The following TTLL5 variants were observed in gnomAD, a reference collection of about 807,000 sequenced individuals.
TTLL5 encodes tubulin polyglutamylase TTLL5.
A neutral mutation model predicts 168.4 loss-of-function variants in TTLL5; 132 were observed. The observed-to-expected ratio is 0.78, with a 90% CI of 0.68 to 0.91. TTLL5 has a LOEUF of 0.91. Ranked by LOEUF, TTLL5 falls within the 40% of genes least tolerant of loss-of-function variation. TTLL5 has a pLI of 0.00. For missense variants in TTLL5, 1,545 were observed against 1,581.5 expected (o/e 0.98, Z 0.39); for synonymous variants, 546 against 558.6 (o/e 0.98, Z 0.32).
chr14:75,686,188 A>G (rs575069516), intron 5 of TTLL5, among the ~76,000 whole-genome samples: 1 of 152,222 alleles, frequency 6.6e-6, no homozygotes, highest in Admixed American at 6.5e-5. Flanking sequence ...AAGGAGTGGA[A>G]CAAATCATAG....
chr14:75,776,793 A>T lies in TTLL5; in HGVS notation c.2330A>T (p.Glu777Val). Reference protein sequence around the residue: ...AEKKSKKKVEEEEEDGVNMEN... With the variant: ...AEKKSKKKVEVEEEDGVNMEN... ...AAGAAATCAAAGAAGAAAGTTGAGG[A>T]AGAAGAGGAAGATGGGGTGAATATG... is the stretch of plus-strand genomic sequence containing the variant. Residue 777 changes from glutamate (E) to valine (V), a missense_variant, in exon 23 of 32, where the codon GAA (glutamate) becomes GTA (valine). Transcript: ENST00000298832. 1 of 1,614,038 alleles carries T rather than the reference A, an allele frequency of 6.2e-7. No individual in the cohort carries two copies. The highest frequency in any genetic ancestry group is 8.5e-7 in the Non-Finnish European group (1 of 1,179,922).
intron 29 of TTLL5, 49 bp downstream of exon 29, chr14:75,863,911 T>TAAAAGAAA: frequency 1.0e-5 from 1 of 98,534 alleles, no homozygotes. Flanking sequence ...CTGCTGTTGG[T>TAAAAGAAA]AAAAAAAAAA....
intron 9 of TTLL5, chr14:75,709,142 T>C (rs1472249135): frequency 4.0e-6 from 3 of 749,512 alleles, no homozygotes; most frequent in Non-Finnish European, 7.3e-6. Context: ...CACGACAAGC[T>C]AAAAAAGCCT....
At chr14:75,884,908 C>G (rs917760497) in intron 30 of TTLL5, among the ~76,000 whole-genome samples, 1 of 151,070 alleles carries the variant, frequency 6.6e-6, no homozygotes, top group African/African-American at 2.4e-5. Flanking sequence ...TGGTGGCTCA[C>G]GCCTGTAATC....
intron 5 of TTLL5, 120 bp downstream of exon 5, chr14:75,683,776 C>CT (rs11406886): frequency 0.43 from 210,227 of 483,848 alleles, 24,279 homozygotes; most frequent in Admixed American, 0.5. Context: ...AGAAGAAGGA[C>CT]TTTTTTTTTT....
chr14:75,835,905 G>A (rs1441318484), intron 28 of TTLL5, among the ~76,000 whole-genome samples: 1 of 152,146 alleles, frequency 6.6e-6, no homozygotes, highest in Non-Finnish European at 1.5e-5. Context: ...ATGCTGGCGA[G>A]GATGTGGAGC....
intron 31 of TTLL5, 140 bp downstream of exon 31, chr14:75,902,364 C>A: frequency 1.1e-6 from 1 of 878,348 alleles, no homozygotes; most frequent in Non-Finnish European, 1.8e-6. Context: ...GGCAAATGGG[C>A]ATTTTTGTTG....
intron 30 of TTLL5, among the ~76,000 whole-genome samples, chr14:75,895,558 A>T (rs1047791751): frequency 2.6e-5 from 4 of 152,346 alleles, no homozygotes; most frequent in Non-Finnish European, 4.4e-5. Context: ...AAATTTTAAA[A>T]AAATAGAGTA....
intron 15 of TTLL5, among the ~76,000 whole-genome samples, chr14:75,741,782 AT>A: frequency 6.6e-6 from 1 of 152,252 alleles, no homozygotes; most frequent in African/African-American, 2.4e-5. Context: ...ACATTCACAA[AT>A]AATGTACACA....
intron 31 of TTLL5, among the ~76,000 whole-genome samples, chr14:75,940,937 T>G (rs1427963393): frequency 6.6e-6 from 1 of 152,244 alleles, no homozygotes; most frequent in Non-Finnish European, 1.5e-5. Context: ...TAATTCTTTA[T>G]AGTAGAATTC....
Position 75,783,494 on chromosome 14 carries a change from A to G in TTLL5, c.2950A>G (p.Ser984Gly). The G allele has an allele frequency of 6.2e-7, 1 of 1,614,138 alleles. No homozygotes were observed. The highest frequency in any genetic ancestry group is 2.2e-5 in the East Asian group (1 of 44,892). The change falls in exon 26 of 32, where the codon AGC (serine) becomes GGC (glycine). Residue 984 changes from serine to glycine, a missense_variant. Ser to Gly is a moderately conservative substitution (Grantham distance 56). Coordinates refer to ENST00000298832, the MANE Select transcript of TTLL5 (RefSeq NM_015072.5). The stretch of plus-strand genomic sequence containing the variant: ...CTTCCAAAGTGCTGCACACATCTAT[A>G]GCCAGAAACTGTCTCGTCCCTCTTC... Reference protein sequence around the residue: ...SSFQSAAHIYSQKLSRPSSAK... With the variant: ...SSFQSAAHIYGQKLSRPSSAK...
chr14:75,705,768 A>G (rs766720750), intron 7 of TTLL5, among the ~76,000 whole-genome samples: 7 of 151,838 alleles, frequency 4.6e-5, no homozygotes, highest in Non-Finnish European at 8.8e-5. Context: ...TATCAACCTA[A>G]TTATTATCAC....
At chr14:75,878,434 GGAA>G (rs1419828367) in intron 29 of TTLL5, among the ~76,000 whole-genome samples, 1 of 152,078 alleles carries the variant, frequency 6.6e-6, no homozygotes, top group African/African-American at 2.4e-5. Flanking sequence ...GCTGTAGGTG[GGAA>G]GAAGAACAGG....
chr14:75,849,191 C>G (rs1896714474), intron 28 of TTLL5, among the ~76,000 whole-genome samples: 1 of 152,234 alleles, frequency 6.6e-6, no homozygotes, highest in East Asian at 1.9e-4. Flanking sequence ...ATCTTCCCAT[C>G]ATCACTTCTG....
At chr14:75,713,574 G>C (rs1257491258) in intron 9 of TTLL5, among the ~76,000 whole-genome samples, 2 of 152,326 alleles carry the variant, frequency 1.3e-5, no homozygotes, top group African/African-American at 2.4e-5. Flanking sequence ...ATTGTTAATA[G>C]AGAAATGGTG....
chr14:75,902,420 T>C, intron 31 of TTLL5, 196 bp downstream of exon 31: 2 of 681,132 alleles, frequency 2.9e-6, no homozygotes, highest in Non-Finnish European at 5.2e-6. Context: ...AGGCATTTTC[T>C]GGAACTAGCT....
Position 75,876,197 on chromosome 14 carries a change from C to A in TTLL5, c.3523-6488C>A, listed in dbSNP as rs529433221. 5.9e-5 allele frequency among the ~76,000 whole-genome samples: 9 copies of A among 152,316 alleles called. No individual in the cohort carries two copies. In the South Asian group the frequency reaches 8.3e-4, roughly 14 times the overall value. ...TGGCTTTTGTGGTCATGAACTGCAGCCCTAGTCTTAGCCAGCTGTGTCATA... is the reference window on the plus strand; with the variant it reads ...TGGCTTTTGTGGTCATGAACTGCAGACCTAGTCTTAGCCAGCTGTGTCATA... On this transcript the variant is annotated intron_variant, in intron 29 of 31. Transcript: ENST00000298832.
At chr14:75,793,338 C>G (rs1863036) in intron 27 of TTLL5, among the ~76,000 whole-genome samples, 100,999 of 152,074 alleles carry the variant, frequency 0.66, 35,210 homozygotes, top group Admixed American at 0.77. Flanking sequence ...GTACCTATTT[C>G]ATGGATAAAC....
intron 31 of TTLL5, among the ~76,000 whole-genome samples, chr14:75,930,439 T>G (rs1401030711): frequency 6.6e-6 from 1 of 152,218 alleles, no homozygotes; most frequent in Non-Finnish European, 1.5e-5. Flanking sequence ...TTTTGGATTT[T>G]GGATTTTCAG....
Sources: allele counts gnomAD v4.1 joint callset (sites outside exome capture counted in the v4.1 genomes callset), GRCh38; gene constraint gnomAD v4.1.1; transcripts MANE v1.5; gene names NCBI Gene and HGNC (gene_info 2026-07-23, HGNC 2026-07-21).